Variants in NHSL1 observed in about 807,000 individuals in gnomAD.
NHSL1 encodes NHS-like protein 1.
Under a neutral mutation model 95.0 loss-of-function variants are expected in NHSL1, and 48 were observed. The observed-to-expected ratio is 0.51, with a 90% CI of 0.40 to 0.64. The LOEUF (loss-of-function observed/expected upper bound fraction) is 0.64, where lower values mean the gene tolerates loss of function less well. NHSL1 is among the 30% of genes least tolerant of loss of function. The pLI, the probability that NHSL1 is intolerant of heterozygous loss-of-function variation, is 0.00. For missense variants in NHSL1, 1,971 were observed against 2,077.7 expected (o/e 0.95, Z 1.00); for synonymous variants, 783 against 833.9 (o/e 0.94, Z 1.05).
At chr6:138,541,670 T>C (rs1444533804) in intron 1 of NHSL1, among the ~76,000 whole-genome samples, 1 of 152,232 alleles carries the variant, frequency 6.6e-6, no homozygotes, top group Non-Finnish European at 1.5e-5. Context: ...TGCAGTGAAC[T>C]AAGTTCAATT....
chr6:138,460,974 T>G (rs1466532713), intron 3 of NHSL1, among the ~76,000 whole-genome samples: 1 of 151,852 alleles, frequency 6.6e-6, no homozygotes, highest in Non-Finnish European at 1.5e-5. Context: ...GACCTACCCA[T>G]TGCAGGATGC....
chr6:138,527,933 G>C (rs1402455214), intron 1 of NHSL1, among the ~76,000 whole-genome samples: 2 of 152,208 alleles, frequency 1.3e-5, no homozygotes, highest in Admixed American at 1.3e-4. Context: ...CTAAGCCAAA[G>C]TCATTAGTGA....
intron 1 of NHSL1, among the ~76,000 whole-genome samples, chr6:138,620,685 A>G (rs1293619654): frequency 9.4e-6 from 1 of 106,040 alleles, no homozygotes; most frequent in Non-Finnish European, 1.8e-5. Context: ...TAGAACAAAT[A>G]CACTTTTCCA....
chr6:138,652,871 C>T (rs541913114), intron 1 of NHSL1, among the ~76,000 whole-genome samples: 32 of 152,280 alleles, frequency 2.1e-4, no homozygotes, highest in African/African-American at 7.2e-4. Flanking sequence ...ATTTTAATTA[C>T]CTCCATTTAT....
intron 1 of NHSL1, among the ~76,000 whole-genome samples, chr6:138,523,026 C>A (rs970827860): frequency 6.6e-6 from 1 of 150,906 alleles, no homozygotes; most frequent in African/African-American, 2.4e-5. Context: ...TGTCCCCCCA[C>A]CCCCACCCTT....
chr6:138,681,074 G>T (rs546851164), intron 1 of NHSL1, among the ~76,000 whole-genome samples: 1 of 151,908 alleles, frequency 6.6e-6, no homozygotes, highest in Non-Finnish European at 1.5e-5. Context: ...TAACAACAAC[G>T]AAATGTAACT....
intron 2 of NHSL1, among the ~76,000 whole-genome samples, chr6:138,491,949 T>A (rs533677819): frequency 1.3e-5 from 2 of 152,294 alleles, no homozygotes; most frequent in Non-Finnish European, 2.9e-5. Context: ...ATTTTCAGAT[T>A]AGGGATGTTC....
chr6:138,571,909 C>T (rs1243619643), exon 1 of NHSL1: 27 of 1,550,876 alleles, frequency 1.7e-5, no homozygotes, highest in Non-Finnish European at 2.1e-5. Context: ...CTTCCTTTTT[C>T]ATCTTCTTTT....
At chr6:138,549,497 A>C (rs909575424), upstream of NHSL1, among the ~76,000 whole-genome samples, 2 of 152,208 alleles carry the variant, frequency 1.3e-5, no homozygotes, top group Non-Finnish European at 2.9e-5. Flanking sequence ...AACCAGCAGA[A>C]GCTGGAAGAG....
chr6:138,614,092 T>C (rs1291389266), intron 1 of NHSL1, among the ~76,000 whole-genome samples: 1 of 152,244 alleles, frequency 6.6e-6, no homozygotes, highest in Non-Finnish European at 1.5e-5. Flanking sequence ...ACATGCTCAG[T>C]TAAAAACTAT....
intron 1 of NHSL1, among the ~76,000 whole-genome samples, chr6:138,601,155 G>C (rs1168155696): frequency 6.6e-6 from 1 of 152,148 alleles, no homozygotes; most frequent in East Asian, 1.9e-4. Context: ...ACTTATCCCA[G>C]AACTTTCTTC....
intron 1 of NHSL1, among the ~76,000 whole-genome samples, chr6:138,659,558 A>C (rs1407316172): frequency 1.3e-5 from 2 of 152,144 alleles, no homozygotes; most frequent in Non-Finnish European, 2.9e-5. Context: ...AACACCTAAT[A>C]GTTGACTCTT....
intron 1 of NHSL1, among the ~76,000 whole-genome samples, chr6:138,618,321 G>A (rs1466531464): frequency 6.6e-6 from 1 of 152,126 alleles, no homozygotes; most frequent in African/African-American, 2.4e-5. Context: ...TTTTCAAAAA[G>A]CTCCTCCAAC....
rs187930399 is a variant in NHSL1, at chr6:138,610,396, G to A, written c.96+82080C>T. Among the ~76,000 whole-genome samples, 42 of 152,028 alleles carry A rather than the reference G, an allele frequency of 2.8e-4. No individual in the cohort carries two copies. In the East Asian group the frequency reaches 6.6e-3, roughly 24 times the overall value. On this transcript the variant is annotated intron_variant, in intron 1 of 3. Transcript: ENST00000491526. Reference sequence around the variant, plus strand: ...CACACACCGGGGCCTGTAGTGGAGTGGGGGGAGCGGGGAGGGATAGCATTA... The same window carrying A: ...CACACACCGGGGCCTGTAGTGGAGTAGGGGGAGCGGGGAGGGATAGCATTA...
chr6:138,574,652 C>T (rs1338282013), upstream of NHSL1, among the ~76,000 whole-genome samples: 1 of 145,938 alleles, frequency 6.9e-6, no homozygotes, highest in Non-Finnish European at 1.5e-5. Flanking sequence ...CATGGCAAAA[C>T]TCTGTGTCTA....
At chr6:138,563,447 C>T (rs760949264) in intron 1 of NHSL1, among the ~76,000 whole-genome samples, 3 of 152,132 alleles carry the variant, frequency 2.0e-5, no homozygotes, top group Non-Finnish European at 4.4e-5. Context: ...ACTCCAAAGA[C>T]ACTTCCACAA....
chr6:138,424,693 C>T lies in NHSL1; in HGVS notation c.4209G>A (p.Gly1403=). ...TCTTTCGGATGCTTCTCTGAATCGA[C>T]CCCACTTGCTTTGGAGAGGCCAGGC... ...APSLASPKQV[G]SIQRSIRKSS... The change falls in exon 8 of 8, where the codon GGG becomes GGA. Residue 1403 remains glycine, a synonymous_variant. Coordinates refer to ENST00000343505, the MANE Select transcript of NHSL1 (RefSeq NM_001144060.2). This position sits in a 1 kb window ranked among gnomAD's most constrained non-coding sequence, Gnocchi z 5.9. 6.4e-7 allele frequency: 1 copy of T among 1,551,604 alleles called. No homozygotes were observed. The highest frequency in any genetic ancestry group is 8.7e-7 in the Non-Finnish European group (1 of 1,146,982).
At chr6:138,552,987 G>A (rs181761471) in intron 1 of NHSL1, among the ~76,000 whole-genome samples, 95 of 151,850 alleles carry the variant, frequency 6.3e-4, no homozygotes, top group African/African-American at 2.2e-3. Flanking sequence ...TTTTTCTTTC[G>A]AAATCTGACC....
intron 1 of NHSL1, among the ~76,000 whole-genome samples, chr6:138,569,457 C>T (rs1783743154): frequency 6.6e-6 from 1 of 152,092 alleles, no homozygotes; most frequent in Non-Finnish European, 1.5e-5. Context: ...ATAAAAGATG[C>T]TACACATTCC....
Sources: gnomAD v4.1 joint callset for allele counts (sites outside exome capture counted in the v4.1 genomes callset) on GRCh38, gnomAD v4.1.1 for gene constraint, Gnocchi (gnomAD v3.1) non-coding constraint, MANE v1.5 for transcripts, NCBI Gene and HGNC (gene_info 2026-07-23, HGNC 2026-07-21) for gene names.